WDR4: variants seen among roughly 807,000 people sequenced by gnomAD.
WDR4 encodes the protein tRNA (guanine-N(7)-)-methyltransferase non-catalytic subunit WDR4.
Under a neutral mutation model 48.6 loss-of-function variants are expected in WDR4, and 47 were observed. That is an observed-to-expected ratio of 0.97 (90% CI 0.77 to 1.23). The LOEUF is 1.23. WDR4 is among the 50% of genes most tolerant of loss of function. The pLI, the probability that WDR4 is intolerant of heterozygous loss-of-function variation, is 0.00. For synonymous variants in WDR4, 268 were observed against 230.0 expected, an observed-to-expected ratio of 1.17 and a Z score of -1.49; for missense variants, 606 against 551.6, an observed-to-expected ratio of 1.10 and a Z score of -0.99.
chr21:42,858,878 A>G (rs1270884698), intron 6 of WDR4, among the ~76,000 whole-genome samples: 1 of 152,126 alleles, frequency 6.6e-6, no homozygotes, highest in African/African-American at 2.4e-5. Context: ...GCCACACCAC[A>G]CAAAGGACCA....
chr21:42,856,372 T>C (rs2057991765), intron 6 of WDR4, among the ~76,000 whole-genome samples: 1 of 152,176 alleles, frequency 6.6e-6, no homozygotes. Context: ...TTCTCTTTTT[T>C]TTCTTGGTTT....
At chr21:42,851,823 G>A (rs1489137797) in intron 10 of WDR4, among the ~76,000 whole-genome samples, 1 of 152,110 alleles carries the variant, frequency 6.6e-6, no homozygotes, top group Non-Finnish European at 1.5e-5. Flanking sequence ...AGACCCCCGG[G>A]GCCTCTGGCT....
Position 42,854,564 on chromosome 21 carries a change from G to T in WDR4, c.789C>A (p.Asp263Glu). 2 of 1,613,274 alleles carry T rather than the reference G, an allele frequency of 1.2e-6. No homozygotes were observed. Among genetic ancestry groups the T allele is most frequent in the South Asian group, 1.1e-5 (1 of 90,960 alleles). Residue 263 changes from aspartate (D) to glutamate (E), a missense_variant and splice_region_variant, in exon 8 of 11, where the codon GAC becomes GAA. Transcript: ENST00000398208. The part of the protein sequence containing the change: ...CQENCVALLC[D>E]GTPVVYIFQL... Reference sequence around the variant, plus strand: ...ATAGAGGTGCCGCCGCAGCTTACCCGTCGCACAGGAGCGCCACGCAGTTCT... The same window carrying T: ...ATAGAGGTGCCGCCGCAGCTTACCCTTCGCACAGGAGCGCCACGCAGTTCT...
intron 4 of WDR4, among the ~76,000 whole-genome samples, chr21:42,863,043 C>T (rs1050106696): frequency 1.3e-5 from 2 of 152,116 alleles, no homozygotes; most frequent in Non-Finnish European, 2.9e-5. Flanking sequence ...GCCAGAGGCT[C>T]GTGGCTGCAC....
chr21:42,848,493 C>T (rs1288756490), downstream of WDR4, among the ~76,000 whole-genome samples: 1 of 70,042 alleles, frequency 1.4e-5, no homozygotes, highest in East Asian at 3.0e-4. Context: ...ACTCACACAG[C>T]GCACGATCAC....
rs755959441 is a variant in WDR4 at position 42,859,644 on chromosome 21, G to A, written c.627+18C>T. The A allele has an allele frequency of 2.0e-5, 28 of 1,406,152 alleles. No homozygotes were observed. Among genetic ancestry groups the A allele is most frequent in the South Asian group, 1.3e-4 (11 of 82,222 alleles). The allele number at this position is 1,406,152 out of a possible 1,614,324, so 87.1% of individuals were successfully genotyped here. On this transcript the variant is annotated intron_variant, in intron 6 of 10. Coordinates refer to ENST00000398208, the MANE Select transcript of WDR4 (RefSeq NM_018669.6). ...GCTCAAGAATCCAGAGGTGAGTGAC[G>A]CTGGGCAGAACACTTACCCCAGAGG...
intron 11 of WDR4, among the ~76,000 whole-genome samples, chr21:42,843,479 C>T (rs963751284): frequency 7.4e-6 from 1 of 135,938 alleles, no homozygotes; most frequent in Admixed American, 8.5e-5. Context: ...AGTGCAATCA[C>T]GGCTTGCTGC....
intron 3 of WDR4, among the ~76,000 whole-genome samples, chr21:42,869,869 C>T (rs1158891012): frequency 8.6e-5 from 13 of 151,694 alleles, no homozygotes; most frequent in African/African-American, 3.1e-4. Flanking sequence ...AAAAATTAGC[C>T]GGTCGTGGTG....
At chr21:42,866,549 G>A (rs1176709378) in intron 3 of WDR4, among the ~76,000 whole-genome samples, 1 of 152,156 alleles carries the variant, frequency 6.6e-6, no homozygotes, top group African/African-American at 2.4e-5. Flanking sequence ...TGAGATCTAA[G>A]AGGCATAAAA....
intron 1 of WDR4, among the ~76,000 whole-genome samples, chr21:42,877,354 G>A (rs1048686537): frequency 6.7e-6 from 1 of 149,594 alleles, no homozygotes. Context: ...ATGTTGGCCA[G>A]GCTGGTCTCA....
chr21:42,879,680 G>C, upstream of WDR4: 1 of 632,432 alleles, frequency 1.6e-6, no homozygotes, highest in Non-Finnish European at 2.6e-6. Context: ...GGTTGTGGCT[G>C]GTGGCCTTCG....
intron 9 of WDR4, among the ~76,000 whole-genome samples, chr21:42,852,712 T>C (rs2057866644): frequency 6.6e-6 from 1 of 152,054 alleles, no homozygotes; most frequent in Admixed American, 6.5e-5. Context: ...GGGTGGGAGT[T>C]CAAGACCAGC....
At position 42,864,086 on chromosome 21, in the gene WDR4, C is replaced by T. The variant is rs1205691462; in HGVS notation, c.297-490G>A. Among the ~76,000 whole-genome samples the T allele has an allele frequency of 1.2e-4, 8 of 64,050 alleles. 1 individual carries two copies. Among genetic ancestry groups the T allele is most frequent in the Admixed American group, 5.2e-4 (3 of 5,820 alleles). 42.0% of individuals were successfully genotyped at this position (64,050 alleles called of 152,430 possible). On this transcript the variant is annotated intron_variant, in intron 3 of 10. Coordinates refer to ENST00000398208, the MANE Select transcript of WDR4 (RefSeq NM_018669.6). ...CCCGCCACCGCACTCCAGCCTGGGG[C>T]GACAGAGCGAGACTCCGTCTCAAAA...
chr21:42,865,219 C>G (rs908634139), intron 3 of WDR4, among the ~76,000 whole-genome samples: 1 of 152,336 alleles, frequency 6.6e-6, no homozygotes, highest in Admixed American at 6.5e-5. Flanking sequence ...ACAGAGAAAA[C>G]AAGGACAAAG....
intron 7 of WDR4, among the ~76,000 whole-genome samples, chr21:42,854,914 G>A (rs2057946602): frequency 6.6e-6 from 1 of 152,080 alleles, no homozygotes; most frequent in African/African-American, 2.4e-5. Flanking sequence ...AGGGAGCGGA[G>A]GACACAGGGG....
chr21:42,852,931 G>A (rs1214580732), intron 9 of WDR4, among the ~76,000 whole-genome samples: 18 of 133,344 alleles, frequency 1.3e-4, no homozygotes, highest in African/African-American at 4.7e-4. Flanking sequence ...AAAAAAAAAA[G>A]TGCTTCCAAA....
intron 8 of WDR4, 101 bp from the exon 9 acceptor site, chr21:42,853,853 T>A: frequency 7.8e-7 from 1 of 1,289,122 alleles, no homozygotes; most frequent in Non-Finnish European, 1.1e-6. Context: ...CGGTGCCACC[T>A]CAGGAGAGCC....
downstream of WDR4, among the ~76,000 whole-genome samples, chr21:42,845,171 C>T (rs1164035077): frequency 6.6e-6 from 1 of 152,198 alleles, no homozygotes; most frequent in African/African-American, 2.4e-5. Context: ...CTCAACAAAT[C>T]TAAAGAGAGG....
chr21:42,874,581 T>C (rs1459662393), intron 2 of WDR4, among the ~76,000 whole-genome samples: 1 of 152,078 alleles, frequency 6.6e-6, no homozygotes. Context: ...GGAACATCCC[T>C]GAGAAAGAGA....
Sources: allele counts gnomAD v4.1 joint callset (sites outside exome capture counted in the v4.1 genomes callset), GRCh38; gene constraint gnomAD v4.1.1; transcripts MANE v1.5; gene names NCBI Gene and HGNC (gene_info 2026-07-23, HGNC 2026-07-21).